LRRC4C: variants seen among roughly 807,000 people sequenced by gnomAD.
The protein encoded by LRRC4C is leucine-rich repeat-containing protein 4C.
A neutral mutation model predicts 33.6 loss-of-function variants in LRRC4C; 5 were observed. The ratio of observed to expected loss-of-function variants is 0.15; its 90% confidence interval spans 0.08 to 0.31. LRRC4C has a LOEUF of 0.31. LRRC4C is among the 10% of genes least tolerant of loss of function. The pLI, the probability that LRRC4C is intolerant of heterozygous loss-of-function variation, is 1.00. For missense variants in LRRC4C, 560 were observed against 796.7 expected, an observed-to-expected ratio of 0.70 and a Z score of 3.58; for synonymous variants, 329 against 302.0, an observed-to-expected ratio of 1.09 and a Z score of -0.93.
intron 3 of LRRC4C, among the ~76,000 whole-genome samples, chr11:40,469,417 C>T (rs1361562223): frequency 6.6e-6 from 1 of 152,140 alleles, no homozygotes; most frequent in African/African-American, 2.4e-5. Context: ...GTGACTATAC[C>T]ACCAGGGCCC....
At chr11:40,875,253 T>C (rs892563161) in intron 2 of LRRC4C, among the ~76,000 whole-genome samples, 1 of 152,176 alleles carries the variant, frequency 6.6e-6, no homozygotes, top group African/African-American at 2.4e-5. Context: ...ATAAAGGCAA[T>C]ACTTTATTTT....
At chr11:40,441,399 A>C (rs1225745452) in intron 3 of LRRC4C, among the ~76,000 whole-genome samples, 1 of 152,172 alleles carries the variant, frequency 6.6e-6, no homozygotes, top group African/African-American at 2.4e-5. Flanking sequence ...CAACAGTATG[A>C]TTTCTGGTTG....
chr11:40,740,499 C>T (rs1408380188), intron 2 of LRRC4C, among the ~76,000 whole-genome samples: 5 of 151,918 alleles, frequency 3.3e-5, no homozygotes, highest in African/African-American at 7.2e-5. Context: ...AAGTTGTTTT[C>T]TTACTAATGG....
At chr11:40,809,589 C>T (rs7938651) in intron 2 of LRRC4C, among the ~76,000 whole-genome samples, 6,206 of 152,046 alleles carry the variant, frequency 0.041, 426 homozygotes, top group African/African-American at 0.14. Flanking sequence ...GTCTGTTTCC[C>T]CTCCTCCACA....
chr11:40,843,883 G>A (rs1953028231), intron 2 of LRRC4C, among the ~76,000 whole-genome samples: 1 of 152,160 alleles, frequency 6.6e-6, no homozygotes, highest in Non-Finnish European at 1.5e-5. Flanking sequence ...TCAGACAACA[G>A]TGGTTAGAGA....
intron 4 of LRRC4C, among the ~76,000 whole-genome samples, chr11:40,319,168 C>T (rs1945721690): frequency 6.6e-6 from 1 of 152,156 alleles, no homozygotes; most frequent in Non-Finnish European, 1.5e-5. Flanking sequence ...GCTCTTCTGT[C>T]CTCTATTTAA....
At chr11:41,285,549 CAT>C (rs1355427861) in intron 1 of LRRC4C, among the ~76,000 whole-genome samples, 1 of 152,060 alleles carries the variant, frequency 6.6e-6, no homozygotes, top group Non-Finnish European at 1.5e-5. Flanking sequence ...CTTTAGTAAT[CAT>C]AATAAAATAG....
intron 1 of LRRC4C, among the ~76,000 whole-genome samples, chr11:41,159,328 T>C (rs1944365943): frequency 6.6e-6 from 1 of 151,894 alleles, no homozygotes; most frequent in South Asian, 2.1e-4. Context: ...ACATTAAAAT[T>C]AAAGAAAACT....
chr11:40,952,688 A>G (rs972326136), intron 1 of LRRC4C, among the ~76,000 whole-genome samples: 1 of 151,998 alleles, frequency 6.6e-6, no homozygotes, highest in Non-Finnish European at 1.5e-5. Flanking sequence ...ATCCTTGCCC[A>G]TGATTCCAAT....
At chr11:40,621,699 C>T (rs1431833017) in intron 3 of LRRC4C, among the ~76,000 whole-genome samples, 1 of 151,788 alleles carries the variant, frequency 6.6e-6, no homozygotes, top group Non-Finnish European at 1.5e-5. Context: ...ATCCTCCACC[C>T]TTTGCTCAGT....
At chr11:40,469,055 T>G (rs1952792910) in intron 3 of LRRC4C, among the ~76,000 whole-genome samples, 1 of 152,208 alleles carries the variant, frequency 6.6e-6, no homozygotes, top group African/African-American at 2.4e-5. Flanking sequence ...ATAAAGGCAC[T>G]TATGTGTACT....
chr11:40,242,101 A>G (rs1225938621), intron 4 of LRRC4C, among the ~76,000 whole-genome samples: 1 of 152,142 alleles, frequency 6.6e-6, no homozygotes, highest in African/African-American at 2.4e-5. Context: ...ATCAACCTAA[A>G]AAGGAACTCC....
At chr11:41,357,970 A>G (rs1262575189) in intron 1 of LRRC4C, among the ~76,000 whole-genome samples, 2 of 152,126 alleles carry the variant, frequency 1.3e-5, no homozygotes, top group Non-Finnish European at 2.9e-5. Context: ...AGAAGAAAAA[A>G]GTTAGAGGAC....
intron 1 of LRRC4C, among the ~76,000 whole-genome samples, chr11:41,374,829 A>T (rs1952878251): frequency 6.6e-6 from 1 of 152,154 alleles, no homozygotes; most frequent in Non-Finnish European, 1.5e-5. Flanking sequence ...GTATATATGT[A>T]ACCTTAAAAT....
intron 1 of LRRC4C, among the ~76,000 whole-genome samples, chr11:41,270,483 T>A (rs1013055544): frequency 6.6e-6 from 1 of 152,118 alleles, no homozygotes; most frequent in Non-Finnish European, 1.5e-5. Flanking sequence ...GGGATTCCTT[T>A]TGGGAATAGG....
At chr11:40,213,363 A>T (rs908431552) in intron 5 of LRRC4C, among the ~76,000 whole-genome samples, 1 of 152,106 alleles carries the variant, frequency 6.6e-6, no homozygotes, top group Admixed American at 6.6e-5. Flanking sequence ...ACCCGTAGGG[A>T]TATGTTGTGT....
intron 3 of LRRC4C, among the ~76,000 whole-genome samples, chr11:40,487,974 A>G (rs1175559568): frequency 6.6e-6 from 1 of 152,100 alleles, no homozygotes; most frequent in Non-Finnish European, 1.5e-5. Context: ...TATATTATCA[A>G]CATCCACATT....
chr11:41,203,496 T>C (rs1485446866), intron 1 of LRRC4C, among the ~76,000 whole-genome samples: 2 of 152,212 alleles, frequency 1.3e-5, no homozygotes, highest in African/African-American at 4.8e-5. Flanking sequence ...TAAAATAAAT[T>C]GCAAACTTTA....
At chr11:40,956,771 T>G (rs1463789864) in intron 1 of LRRC4C, among the ~76,000 whole-genome samples, 1 of 151,858 alleles carries the variant, frequency 6.6e-6, no homozygotes, top group East Asian at 1.9e-4. Context: ...CTCATCAATA[T>G]AAACACTCTT....
Sources: gnomAD v4.1 joint callset for allele counts (sites outside exome capture counted in the v4.1 genomes callset) on GRCh38, gnomAD v4.1.1 for gene constraint, MANE v1.5 for transcripts, NCBI Gene and HGNC (gene_info 2026-07-23, HGNC 2026-07-21) for gene names.